WWOX: variants seen among roughly 807,000 people sequenced by gnomAD.
WWOX encodes the protein WW domain containing oxidoreductase.
Under a neutral mutation model 46.2 loss-of-function variants are expected in WWOX, and 69 were observed. The ratio of observed to expected loss-of-function variants is 1.49; its 90% CI spans 1.23 to 1.82. The LOEUF (loss-of-function observed/expected upper bound fraction) is 1.82, where lower values mean the gene tolerates loss of function less well. Ranked by LOEUF, WWOX falls within the 40% of genes most tolerant of loss-of-function variation. The pLI, the probability that WWOX is intolerant of heterozygous loss-of-function variation, is 0.00. For synonymous variants in WWOX, 359 were observed against 202.6 expected (o/e 1.77, Z -6.56); for missense variants, 919 against 542.6 (o/e 1.69, Z -6.89).
chr16:78,276,996 T>C (rs764491626), intron 5 of WWOX, among the ~76,000 whole-genome samples: 1 of 152,190 alleles, frequency 6.6e-6, no homozygotes, highest in Non-Finnish European at 1.5e-5. Context: ...GATAAGGAAC[T>C]TATTATTAAT....
At chr16:79,040,468 C>G (rs889743) in intron 8 of WWOX, among the ~76,000 whole-genome samples, 151,830 of 152,080 alleles carry the variant, frequency 1, 75,790 homozygotes, top group Middle Eastern at 1. Flanking sequence ...TAGAGACAAG[C>G]CTTCACTATG....
In WWOX at chr16:78,850,833, G is replaced by C. The variant is rs569190008; in HGVS notation, c.1057-360775G>C. 3.3e-5 allele frequency among the ~76,000 whole-genome samples: 5 copies of C among 152,272 alleles called. No individual in the cohort carries two copies. In the South Asian group the frequency reaches 8.3e-4, roughly 25 times the overall value. On this transcript the variant is annotated intron_variant, in intron 8 of 8. Transcript: ENST00000566780. ...GTCTTTTCACACTAATGAGTTCTTA[G>C]TGTCTATTTTTGGTGATTGAGTAGA... is the stretch of plus-strand genomic sequence containing the variant.
In WWOX at chr16:79,031,580, C is replaced by T. The variant is rs111566771; in HGVS notation, c.1057-180028C>T. On this transcript the variant is annotated intron_variant, in intron 8 of 8. Transcript: ENST00000566780. ...GTATGCTAAACTTGATTGATCTGGG[C>T]ATATGTGGAATTTTTACCTTTGTTT... Among the ~76,000 whole-genome samples, 54 of 151,840 alleles carry T rather than the reference C, an allele frequency of 3.6e-4. 1 individual carries two copies. The highest frequency in any genetic ancestry group is 1.3e-3 in the African/African-American group (54 of 41,404).
intron 8 of WWOX, among the ~76,000 whole-genome samples, chr16:78,783,109 C>G (rs1176483255): frequency 6.6e-6 from 1 of 152,214 alleles, no homozygotes; most frequent in Non-Finnish European, 1.5e-5. Flanking sequence ...CAGCTATGAT[C>G]AAGTTATCAG....
chr16:78,865,046 A>T (rs2043974127), intron 8 of WWOX, among the ~76,000 whole-genome samples: 1 of 152,028 alleles, frequency 6.6e-6, no homozygotes, highest in Non-Finnish European at 1.5e-5. Flanking sequence ...TACAGGCGTG[A>T]GCCACCGCGC....
chr16:78,550,176 G>A (rs1374673910), intron 8 of WWOX, among the ~76,000 whole-genome samples: 2 of 152,076 alleles, frequency 1.3e-5, no homozygotes, highest in East Asian at 3.9e-4. Flanking sequence ...CCTTACTATT[G>A]TCATTAAAAG....
intron 8 of WWOX, among the ~76,000 whole-genome samples, chr16:78,860,734 A>C (rs1597733969): frequency 6.6e-6 from 1 of 152,186 alleles, no homozygotes; most frequent in East Asian, 1.9e-4. Flanking sequence ...TGCACTGCAA[A>C]ATGTGTGGAT....
chr16:78,124,415 G>A (rs1231932296), intron 4 of WWOX: 1 of 152,132 alleles, frequency 6.6e-6, no homozygotes, highest in Admixed American at 6.5e-5. Flanking sequence ...TGCCTGTTTG[G>A]TATGACACAG....
chr16:79,130,999 A>G (rs953608507), intron 8 of WWOX, among the ~76,000 whole-genome samples: 12 of 152,200 alleles, frequency 7.9e-5, no homozygotes, highest in Admixed American at 3.9e-4. Flanking sequence ...GAACATTGAC[A>G]TAATCCTTTT....
chr16:78,993,439 C>T (rs974029378), intron 8 of WWOX, among the ~76,000 whole-genome samples: 2 of 152,124 alleles, frequency 1.3e-5, no homozygotes. Context: ...CATGACAGTG[C>T]GGCTGGATAA....
chr16:78,678,541 G>T (rs984666735), intron 8 of WWOX, among the ~76,000 whole-genome samples: 1 of 152,196 alleles, frequency 6.6e-6, no homozygotes, highest in Non-Finnish European at 1.5e-5. Context: ...CGGAGATCCA[G>T]TGCTCAGGAA....
chr16:78,297,612 T>G (rs1034243031), intron 5 of WWOX, among the ~76,000 whole-genome samples: 1 of 152,194 alleles, frequency 6.6e-6, no homozygotes, highest in Non-Finnish European at 1.5e-5. Flanking sequence ...TTTTTAACTC[T>G]TAAAATGTTC....
chr16:78,230,003 C>T (rs1171744505), intron 5 of WWOX, among the ~76,000 whole-genome samples: 1 of 152,082 alleles, frequency 6.6e-6, no homozygotes. Context: ...CAACAGCCTC[C>T]CTAGTAGCTG....
At chr16:78,816,071 T>G (rs1009992645) in intron 8 of WWOX, among the ~76,000 whole-genome samples, 9 of 152,148 alleles carry the variant, frequency 5.9e-5, no homozygotes, top group African/African-American at 2.2e-4. Flanking sequence ...TCTATTCTGC[T>G]TTTCTAGCAT....
At chr16:79,043,994 A>G (rs2048021039) in intron 8 of WWOX, among the ~76,000 whole-genome samples, 1 of 152,126 alleles carries the variant, frequency 6.6e-6, no homozygotes, top group African/African-American at 2.4e-5. Context: ...TGAAACTCTC[A>G]TTGATTAGGC....
chr16:79,105,841 G>A (rs1368220263), intron 8 of WWOX: 1 of 151,810 alleles, frequency 6.6e-6, no homozygotes, highest in Non-Finnish European at 1.5e-5. Flanking sequence ...TTTCTTTTGT[G>A]TTGCTATTTT....
At chr16:78,351,375 G>C (rs563240795) in intron 5 of WWOX, among the ~76,000 whole-genome samples, 7 of 152,330 alleles carry the variant, frequency 4.6e-5, no homozygotes, top group Admixed American at 2.6e-4. Flanking sequence ...GTGTCAGGTA[G>C]AAAACTGGGA....
At chr16:78,485,558 T>A (rs1363694446) in intron 8 of WWOX, among the ~76,000 whole-genome samples, 1 of 152,196 alleles carries the variant, frequency 6.6e-6, no homozygotes, top group East Asian at 1.9e-4. Flanking sequence ...ACTAAATTAA[T>A]GTATACTGTG....
intron 4 of WWOX, among the ~76,000 whole-genome samples, chr16:78,134,394 C>T (rs1457893654): frequency 6.6e-6 from 1 of 151,940 alleles, no homozygotes; most frequent in Non-Finnish European, 1.5e-5. Flanking sequence ...TGAATTTTAC[C>T]TATTCTGTAA....
Sources: gnomAD v4.1 joint callset for allele counts (sites outside exome capture counted in the v4.1 genomes callset) on GRCh38, gnomAD v4.1.1 for gene constraint, MANE v1.5 for transcripts, NCBI Gene and HGNC (gene_info 2026-07-23, HGNC 2026-07-21) for gene names.